The following LARGE1 variants were observed in gnomAD, a reference collection of about 807,000 sequenced individuals.
LARGE1 encodes the protein xylosyl- and glucuronyltransferase LARGE1.
LARGE1 carries 43 observed loss-of-function variants against 87.6 expected under a neutral mutation model. The observed-to-expected ratio is 0.49, with a 90% confidence interval of 0.38 to 0.63. The LOEUF (loss-of-function observed/expected upper bound fraction) is 0.63. Among genes scored for constraint, LARGE1 ranks in the 30% least tolerant of loss-of-function variants. The pLI is 0.00. For missense variants in LARGE1, 802 were observed against 1,000.2 expected (o/e 0.80, Z 2.67); for synonymous variants, 434 against 394.6 (o/e 1.10, Z -1.18).
intron 1 of LARGE1, among the ~76,000 whole-genome samples, chr22:33,775,856 A>AAAG (rs1413648211): frequency 6.6e-6 from 1 of 151,626 alleles, no homozygotes; most frequent in Non-Finnish European, 1.5e-5. Context: ...TGTCTTAAAA[A>AAAG]AAAAAAAAAA....
At chr22:33,464,312 C>A (rs1478255315) in intron 6 of LARGE1, among the ~76,000 whole-genome samples, 1 of 151,936 alleles carries the variant, frequency 6.6e-6, no homozygotes, top group Non-Finnish European at 1.5e-5. Flanking sequence ...TTTTTATGAC[C>A]CCAGGTTTTG....
chr22:33,684,381 A>G (rs536673197), intron 2 of LARGE1, among the ~76,000 whole-genome samples: 6 of 152,184 alleles, frequency 3.9e-5, no homozygotes, highest in African/African-American at 1.4e-4. Flanking sequence ...CATGTGATTT[A>G]TACCCTTCGC....
At chr22:33,160,612 T>C (rs887991619), downstream of LARGE1, among the ~76,000 whole-genome samples, 1 of 152,384 alleles carries the variant, frequency 6.6e-6, no homozygotes, top group South Asian at 2.1e-4. Context: ...CTCTGTGTTG[T>C]CATGTGAGTG....
rs386395258 is a variant in LARGE1 at position 33,205,948 on chromosome 22, C to CTTTT, written c.1731-39120_1731-39117dup. On this transcript the variant is annotated intron_variant, in intron 11 of 11. Transcript: ENST00000608642. The stretch of plus-strand genomic sequence containing the variant: ...TGCCCACTACCATGCCATGCTAATT[C>CTTTT]TTTTTTTTTTTTTTTTTTTTTTGTG... Among the ~76,000 whole-genome samples the CTTTT allele has an allele frequency of 5.8e-3, 490 of 84,930 alleles. 11 individuals carry two copies. The highest frequency in any genetic ancestry group is 0.013 in the African/African-American group (280 of 21,184). The allele number at this position is 84,930 out of a possible 152,430, so 55.7% of individuals were successfully genotyped here. A position where few individuals can be genotyped will look rare whatever the true frequency, so the allele number is the denominator to read the frequency against.
chr22:33,347,570 G>A (rs1188199319), intron 9 of LARGE1, among the ~76,000 whole-genome samples: 4 of 152,168 alleles, frequency 2.6e-5, no homozygotes, highest in African/African-American at 7.2e-5. Context: ...TTAAGCTCCC[G>A]CTGTTATCCC....
intron 3 of LARGE1, among the ~76,000 whole-genome samples, chr22:33,629,507 T>C (rs1330115193): frequency 6.6e-6 from 1 of 152,154 alleles, no homozygotes; most frequent in Non-Finnish European, 1.5e-5. Flanking sequence ...AGCAGGGCCC[T>C]GCTCCCTGGG....
intron 9 of LARGE1, among the ~76,000 whole-genome samples, chr22:33,343,391 A>G (rs6518820): frequency 0.065 from 9,899 of 152,202 alleles, 745 homozygotes; most frequent in African/African-American, 0.19. Context: ...AACGGCTAGG[A>G]TTACAGCACT....
chr22:33,119,882 A>G, the LARGE1 span, among the ~76,000 whole-genome samples: 1 of 151,998 alleles, frequency 6.6e-6, no homozygotes, highest in Non-Finnish European at 1.5e-5. Flanking sequence ...CTGCCAGAGC[A>G]TTTTCTCTGA....
intron 6 of LARGE1, among the ~76,000 whole-genome samples, chr22:33,517,824 C>T (rs1602220025): frequency 6.6e-6 from 1 of 152,168 alleles, no homozygotes; most frequent in South Asian, 2.1e-4. Flanking sequence ...ATGTCTGTAT[C>T]CCACAGATAC....
intron 1 of LARGE1, among the ~76,000 whole-genome samples, chr22:33,818,752 G>A (rs1290931918): frequency 6.6e-6 from 1 of 152,164 alleles, no homozygotes; most frequent in Admixed American, 6.5e-5. Flanking sequence ...TGTGATTTTT[G>A]TTGGTTGTTA....
At chr22:33,903,051 G>C (rs2065329679) in intron 1 of LARGE1, among the ~76,000 whole-genome samples, 1 of 152,208 alleles carries the variant, frequency 6.6e-6, no homozygotes, top group Non-Finnish European at 1.5e-5. Context: ...AGACACGCTT[G>C]AACCCGGGAG....
chr22:33,176,776 A>T (rs2146152214), intron 11 of LARGE1, among the ~76,000 whole-genome samples: 1 of 152,338 alleles, frequency 6.6e-6, no homozygotes, highest in South Asian at 2.1e-4. Flanking sequence ...AGAATTAGAA[A>T]TAGCATTTGA....
intron 6 of LARGE1, among the ~76,000 whole-genome samples, chr22:33,546,634 G>C (rs1328544176): frequency 2.5e-4 from 38 of 152,002 alleles, no homozygotes; most frequent in Non-Finnish European, 7.4e-5. Flanking sequence ...ACCCAGGCGG[G>C]AGTGCAATGG....
intron 2 of LARGE1, chr22:33,724,771 T>C (rs2083218193): frequency 6.6e-6 from 1 of 152,224 alleles, no homozygotes; most frequent in Admixed American, 6.5e-5. Flanking sequence ...GCTGGGCACT[T>C]CTAAGTGTAC....
chr22:33,744,400 AT>A (rs1319607996), intron 2 of LARGE1: 1 of 152,058 alleles, frequency 6.6e-6, no homozygotes, highest in Non-Finnish European at 1.5e-5. Context: ...CAGTCCTACT[AT>A]CCCCACTCCC....
intron 1 of LARGE1, among the ~76,000 whole-genome samples, chr22:33,795,052 A>C (rs984683786): frequency 1.3e-5 from 2 of 152,356 alleles, no homozygotes; most frequent in South Asian, 2.1e-4. Flanking sequence ...CATAGGACTC[A>C]ATGAATGGTA....
intron 1 of LARGE1, among the ~76,000 whole-genome samples, chr22:33,771,913 T>A (rs1441526455): frequency 2.0e-5 from 3 of 152,228 alleles, no homozygotes; most frequent in Non-Finnish European, 4.4e-5. Context: ...CAGGCAAATT[T>A]CTGCTATTCC....
At chr22:33,805,505 G>A (rs900041199) in intron 1 of LARGE1, among the ~76,000 whole-genome samples, 5 of 152,008 alleles carry the variant, frequency 3.3e-5, no homozygotes, top group African/African-American at 9.7e-5. Context: ...AGACTCAGGC[G>A]GGCGGATCAC....
At chr22:33,547,793 C>CAAAA (rs57220257) in intron 6 of LARGE1, among the ~76,000 whole-genome samples, 93 of 35,750 alleles carry the variant, frequency 2.6e-3, no homozygotes, top group East Asian at 5.0e-3. Flanking sequence ...GACTCCATCT[C>CAAAA]AAAAAAAAAA....
Sources: gnomAD v4.1 joint callset for allele counts (sites outside exome capture counted in the v4.1 genomes callset) on GRCh38, gnomAD v4.1.1 for gene constraint, MANE v1.5 for transcripts, NCBI Gene and HGNC (gene_info 2026-07-23, HGNC 2026-07-21) for gene names.